DSCAM: variants seen among roughly 807,000 people sequenced by gnomAD.
DSCAM encodes DS cell adhesion molecule, also known as cell adhesion molecule DSCAM.
Under a neutral mutation model 217.7 loss-of-function variants are expected in DSCAM, and 47 were observed. The ratio of observed to expected loss-of-function variants is 0.22; its 90% CI spans 0.17 to 0.28. DSCAM has a LOEUF of 0.28. Among genes scored for constraint, DSCAM ranks in the 10% least tolerant of loss-of-function variants. DSCAM has a pLI of 1.00. For synonymous variants in DSCAM, 1,056 were observed against 1,015.3 expected, an observed-to-expected ratio of 1.04 and a Z score of -0.76; for missense variants, 2,080 against 2,618.3, an observed-to-expected ratio of 0.79 and a Z score of 4.49.
At chr21:40,769,439 GAGA>G (rs1279267693) in intron 1 of DSCAM, among the ~76,000 whole-genome samples, 2 of 152,240 alleles carry the variant, frequency 1.3e-5, no homozygotes, top group East Asian at 3.9e-4. Context: ...CAGGTGGGTG[GAGA>G]AGTAGATGAG....
intron 3 of DSCAM, among the ~76,000 whole-genome samples, chr21:40,415,257 G>A (rs1027102578): frequency 2.6e-5 from 4 of 152,168 alleles, no homozygotes; most frequent in African/African-American, 9.7e-5. Context: ...AAGACAGATG[G>A]AATTTAACTG....
In DSCAM at chr21:40,088,759, T is replaced by C. The variant is rs558635193; in HGVS notation, c.3851-1472A>G. ...ACACTTCAGACAGTTCTTTAGAGAGTAGAGAATGTCCTCAGCAGTAAAAGG... is the reference window on the plus strand; with the variant it reads ...ACACTTCAGACAGTTCTTTAGAGAGCAGAGAATGTCCTCAGCAGTAAAAGG... On this transcript the variant is annotated intron_variant, in intron 21 of 32. Coordinates refer to ENST00000400454, the MANE Select transcript of DSCAM (RefSeq NM_001389.5). 3.9e-5 allele frequency among the ~76,000 whole-genome samples: 6 copies of C among 152,266 alleles called. No homozygotes were observed. In the East Asian group the frequency reaches 1.2e-3, roughly 29 times the overall value.
intron 3 of DSCAM, among the ~76,000 whole-genome samples, chr21:40,494,787 G>GA (rs1187273625): frequency 7.1e-6 from 1 of 140,554 alleles, no homozygotes; most frequent in African/African-American, 2.6e-5. Context: ...AATAGAACTA[G>GA]AAAAACAATA....
intron 8 of DSCAM, among the ~76,000 whole-genome samples, chr21:40,322,810 C>A (rs1195042285): frequency 6.6e-6 from 1 of 152,144 alleles, no homozygotes; most frequent in Non-Finnish European, 1.5e-5. Flanking sequence ...CAGGCGTGAG[C>A]CACCACGCCC....
At chr21:40,283,265 G>A (rs2073786703) in intron 10 of DSCAM, among the ~76,000 whole-genome samples, 1 of 152,126 alleles carries the variant, frequency 6.6e-6, no homozygotes, top group Admixed American at 6.6e-5. Flanking sequence ...AGCACTTTAG[G>A]TAATTAGCTA....
At chr21:40,042,338 A>G (rs1427963515) in intron 32 of DSCAM, 33 bp downstream of exon 32, 1 of 1,600,538 alleles carries the variant, frequency 6.2e-7, no homozygotes, top group South Asian at 1.1e-5. Context: ...CACTTCCCTA[A>G]GCGACGGCCC....
At chr21:40,424,433 T>C (rs1474212749) in intron 3 of DSCAM, among the ~76,000 whole-genome samples, 1 of 152,170 alleles carries the variant, frequency 6.6e-6, no homozygotes, top group East Asian at 1.9e-4. Flanking sequence ...GCCGTGTGAC[T>C]GGCGTGATGT....
chr21:40,826,743 A>G (rs572490087), intron 1 of DSCAM, among the ~76,000 whole-genome samples: 1 of 152,310 alleles, frequency 6.6e-6, no homozygotes, highest in East Asian at 1.9e-4. Context: ...TGAATGACCA[A>G]AATGTGAGAT....
chr21:40,120,277 G>T (rs1223486221), intron 20 of DSCAM, among the ~76,000 whole-genome samples: 1 of 152,178 alleles, frequency 6.6e-6, no homozygotes, highest in Non-Finnish European at 1.5e-5. Context: ...GATATTTTAT[G>T]CCTTCTGATT....
intron 3 of DSCAM, among the ~76,000 whole-genome samples, chr21:40,662,512 T>G (rs1047811722): frequency 1.3e-5 from 2 of 152,236 alleles, no homozygotes; most frequent in African/African-American, 4.8e-5. Context: ...ATATCAGATG[T>G]CATCTTCTCA....
chr21:40,714,852 G>A (rs760899147), intron 1 of DSCAM, among the ~76,000 whole-genome samples: 14 of 152,300 alleles, frequency 9.2e-5, no homozygotes, highest in Non-Finnish European at 1.6e-4. Flanking sequence ...CAAAACTCAC[G>A]TTGAAATTTA....
rs577920773 is a variant in DSCAM, at chr21:40,714,665, C to T, written c.44-5894G>A. On this transcript the variant is annotated intron_variant, in intron 1 of 32. Coordinates refer to ENST00000400454, the MANE Select transcript of DSCAM (RefSeq NM_001389.5). ...ATAGCTCATGGCTGGAGGGAATTTG[C>T]CTCTAGATGAATCATGCCTGAGTCT... 7.9e-5 allele frequency among the ~76,000 whole-genome samples: 12 copies of T among 152,238 alleles called. No homozygotes were observed. The South Asian group carries it at 2.5e-3, about 32-fold the overall frequency.
At chr21:40,749,080 A>T (rs1487800161) in intron 1 of DSCAM, among the ~76,000 whole-genome samples, 1 of 152,154 alleles carries the variant, frequency 6.6e-6, no homozygotes, top group Non-Finnish European at 1.5e-5. Context: ...ATCAACTCAA[A>T]TAAGATCAGA....
chr21:40,344,894 C>CACT (rs542332628), intron 6 of DSCAM, among the ~76,000 whole-genome samples: 5 of 152,112 alleles, frequency 3.3e-5, no homozygotes, highest in Non-Finnish European at 7.4e-5. Flanking sequence ...GGCCTCTAGT[C>CACT]ATATGTGTGT....
chr21:40,576,592 AGTTTCT>A (rs2076852212), intron 3 of DSCAM, among the ~76,000 whole-genome samples: 1 of 152,148 alleles, frequency 6.6e-6, no homozygotes. Flanking sequence ...AGAAACCATG[AGTTTCT>A]GTTTAACACA....
At chr21:40,462,199 C>T (rs1328983838) in intron 3 of DSCAM, among the ~76,000 whole-genome samples, 1 of 152,112 alleles carries the variant, frequency 6.6e-6, no homozygotes, top group Non-Finnish European at 1.5e-5. Flanking sequence ...ATAGGAGATC[C>T]CAGCCATACC....
chr21:40,640,682 A>G (rs2089867138), intron 3 of DSCAM, among the ~76,000 whole-genome samples: 1 of 152,224 alleles, frequency 6.6e-6, no homozygotes, highest in Non-Finnish European at 1.5e-5. Context: ...TGTGGAGAGC[A>G]GAGGTTGTCA....
chr21:40,300,686 G>A (rs755726584), intron 9 of DSCAM, among the ~76,000 whole-genome samples: 23 of 152,200 alleles, frequency 1.5e-4, no homozygotes, highest in East Asian at 5.8e-4. Flanking sequence ...AGTTTCCTCC[G>A]ATCCAGTGGG....
At chr21:40,577,976 C>G (rs1568917435) in intron 3 of DSCAM, among the ~76,000 whole-genome samples, 2 of 152,100 alleles carry the variant, frequency 1.3e-5, no homozygotes, top group Non-Finnish European at 2.9e-5. Flanking sequence ...GTCAAAGAGC[C>G]AAGATGGAGT....
Sources: gnomAD v4.1 joint callset for allele counts (sites outside exome capture counted in the v4.1 genomes callset) on GRCh38, gnomAD v4.1.1 for gene constraint, MANE v1.5 for transcripts, NCBI Gene and HGNC (gene_info 2026-07-23, HGNC 2026-07-21) for gene names.